The following ACVR1C variants were observed in gnomAD, a reference collection of about 807,000 sequenced individuals.
ACVR1C encodes activin receptor type-1C.
Under a neutral mutation model 57.9 loss-of-function variants are expected in ACVR1C, and 23 were observed. The observed-to-expected ratio is 0.40, with a 90% CI of 0.29 to 0.56. The LOEUF (loss-of-function observed/expected upper bound fraction) is 0.56, where lower values mean the gene tolerates loss of function less well. ACVR1C is among the 20% of genes least tolerant of loss of function. The pLI is 0.50. For missense variants in ACVR1C, 480 were observed against 607.9 expected, an observed-to-expected ratio of 0.79 and a Z score of 2.21; for synonymous variants, 214 against 215.3, an observed-to-expected ratio of 0.99 and a Z score of 0.05.
intron 1 of ACVR1C, among the ~76,000 whole-genome samples, chr2:157,619,555 C>T (rs1682720840): frequency 6.6e-6 from 1 of 151,940 alleles, no homozygotes; most frequent in Admixed American, 6.6e-5. Flanking sequence ...TATGTATTGT[C>T]CGTGGCTGCT....
At chr2:157,612,124 C>G (rs1682548712) in intron 1 of ACVR1C, among the ~76,000 whole-genome samples, 1 of 152,192 alleles carries the variant, frequency 6.6e-6, no homozygotes, top group Non-Finnish European at 1.5e-5. Flanking sequence ...AGGCTGTGCT[C>G]TTGGTGTGGG....
Position 157,572,364 on chromosome 2 carries a change from A to G in ACVR1C, c.304+14823T>C, listed in dbSNP as rs192743324. ...ACATGTACCCCAAAACTTAGAGTAT[A>G]ATAAAAAAAAAAATTAAAAAAAAAA... On this transcript the variant is annotated intron_variant, in intron 2 of 8. Transcript: ENST00000243349. 6.5e-3 allele frequency among the ~76,000 whole-genome samples: 809 copies of G among 124,116 alleles called. 12 individuals carry two copies. Among genetic ancestry groups the G allele is most frequent in the African/African-American group, 0.022 (738 of 32,858 alleles). 81.4% of individuals were successfully genotyped at this position (124,116 alleles called of 152,430 possible). A position where few individuals can be genotyped will look rare whatever the true frequency, so the allele number is the denominator to read the frequency against.
chr2:157,533,454 C>T lies in ACVR1C; in HGVS notation c.*464G>A. 6.6e-6 allele frequency: 1 copy of T among 152,668 alleles called. No homozygotes were observed. The highest frequency in any genetic ancestry group is 1.5e-5 in the Non-Finnish European group (1 of 68,020). 9.5% of individuals were successfully genotyped at this position (152,668 alleles called of 1,614,324 possible). On this transcript the variant is annotated 3_prime_UTR_variant, in exon 9 of 9. Coordinates refer to ENST00000243349, the MANE Select transcript of ACVR1C (RefSeq NM_145259.3). ...GAGCAATATTTATTTTTAAAAAGTC[C>T]TGCTAACTTAAAAAGGGGGAAACAT...
intron 1 of ACVR1C, among the ~76,000 whole-genome samples, chr2:157,617,520 G>A (rs113424868): frequency 1.4e-4 from 22 of 152,070 alleles, no homozygotes; most frequent in African/African-American, 5.3e-4. Context: ...GAGACATGAG[G>A]GAGCTCACTG....
At chr2:157,596,255 CAT>C (rs1682107894) in intron 1 of ACVR1C, among the ~76,000 whole-genome samples, 1 of 152,006 alleles carries the variant, frequency 6.6e-6, no homozygotes, top group South Asian at 2.1e-4. Flanking sequence ...AATCCTTTGT[CAT>C]ATGTGTTACA....
chr2:157,582,083 T>C (rs1688803593), intron 2 of ACVR1C, among the ~76,000 whole-genome samples: 1 of 152,156 alleles, frequency 6.6e-6, no homozygotes, highest in African/African-American at 2.4e-5. Flanking sequence ...TTTGGGAAGC[T>C]GAAGCAGGAA....
At chr2:157,613,171 T>G (rs918411485) in intron 1 of ACVR1C, among the ~76,000 whole-genome samples, 5 of 152,158 alleles carry the variant, frequency 3.3e-5, no homozygotes, top group African/African-American at 7.2e-5. Flanking sequence ...GCTCACTTCC[T>G]TTTTCTTCCG....
In ACVR1C at chr2:157,542,703, T is replaced by C. The variant is rs1314711243; in HGVS notation, c.1100+3A>G. The C allele has an allele frequency of 1.9e-5, 31 of 1,612,036 alleles. No homozygotes were observed. Among genetic ancestry groups the C allele is most frequent in the Non-Finnish European group, 2.6e-5 (31 of 1,179,184 alleles). ...ACTATGCTACCCAAGTCAGTCGTCT[T>C]ACCTCTTGGTTCCCACTTTAGGATT... On this transcript the variant is annotated splice_donor_region_variant and intron_variant, in intron 6 of 8. Coordinates refer to ENST00000243349, the MANE Select transcript of ACVR1C (RefSeq NM_145259.3).
chr2:157,534,571 A>C (rs1457127146), intron 8 of ACVR1C, among the ~76,000 whole-genome samples: 2 of 152,188 alleles, frequency 1.3e-5, no homozygotes, highest in African/African-American at 2.4e-5. Context: ...AAAATTCATC[A>C]ATCTGTATAC....
At chr2:157,545,358 C>T (rs1217445175) in intron 4 of ACVR1C, among the ~76,000 whole-genome samples, 1 of 152,170 alleles carries the variant, frequency 6.6e-6, no homozygotes, top group Non-Finnish European at 1.5e-5. Flanking sequence ...TTGCTAAGGA[C>T]CTATCTGGCC....
intron 2 of ACVR1C, among the ~76,000 whole-genome samples, chr2:157,557,306 G>T (rs909229084): frequency 6.6e-6 from 1 of 152,202 alleles, no homozygotes; most frequent in South Asian, 2.1e-4. Flanking sequence ...CTGAGTGGCC[G>T]CTGTGTGAAT....
At chr2:157,560,261 C>G (rs936257671) in intron 2 of ACVR1C, among the ~76,000 whole-genome samples, 1 of 152,180 alleles carries the variant, frequency 6.6e-6, no homozygotes, top group Non-Finnish European at 1.5e-5. Flanking sequence ...ATTTCCTTCT[C>G]TGCTCCTTCT....
rs1237642574 is a variant in ACVR1C at position 157,532,437 on chromosome 2, C to T, written c.*1481G>A. 1 of 149,204 alleles carries T rather than the reference C, an allele frequency of 6.7e-6. No individual in the cohort carries two copies. Among genetic ancestry groups the T allele is most frequent in the Non-Finnish European group, 1.5e-5 (1 of 67,566 alleles). 9.2% of individuals were successfully genotyped at this position (149,204 alleles called of 1,614,324 possible). A position where few individuals can be genotyped will look rare whatever the true frequency, so the allele number is the denominator to read the frequency against. ...TTCACTCTTCAAAATACATTATATGCTAACATGTACTATCACTTTATAAGC... is the reference window on the plus strand; with the variant it reads ...TTCACTCTTCAAAATACATTATATGTTAACATGTACTATCACTTTATAAGC... On this transcript the variant is annotated 3_prime_UTR_variant, in exon 9 of 9. Coordinates refer to ENST00000243349, the MANE Select transcript of ACVR1C (RefSeq NM_145259.3).
chr2:157,570,724 C>T (rs1159481404), intron 2 of ACVR1C, among the ~76,000 whole-genome samples: 2 of 69,450 alleles, frequency 2.9e-5, no homozygotes. Context: ...AGGACACAAA[C>T]AAATGGAAGA....
At chr2:157,584,257 C>A (rs1688862459) in intron 2 of ACVR1C, among the ~76,000 whole-genome samples, 1 of 151,738 alleles carries the variant, frequency 6.6e-6, no homozygotes. Flanking sequence ...CACCCACCAC[C>A]ATGCCCGGCT....
intron 2 of ACVR1C, among the ~76,000 whole-genome samples, chr2:157,560,866 G>A (rs540547093): frequency 2.9e-4 from 44 of 152,224 alleles, no homozygotes; most frequent in African/African-American, 1.0e-3. Context: ...TTGATCAATT[G>A]CTTCAAATAA....
intron 2 of ACVR1C, among the ~76,000 whole-genome samples, chr2:157,562,689 T>C (rs1183122912): frequency 6.6e-6 from 1 of 151,914 alleles, no homozygotes; most frequent in Non-Finnish European, 1.5e-5. Flanking sequence ...TTCAGGCCAA[T>C]ATCCCTGATG....
intron 1 of ACVR1C, among the ~76,000 whole-genome samples, chr2:157,603,635 T>C (rs1479959356): frequency 1.3e-5 from 2 of 152,134 alleles, no homozygotes; most frequent in African/African-American, 4.8e-5. Flanking sequence ...ATGAGCTTTA[T>C]CTGTGTACAG....
At chr2:157,612,252 G>T (rs1389525778) in intron 1 of ACVR1C, among the ~76,000 whole-genome samples, 1 of 152,132 alleles carries the variant, frequency 6.6e-6, no homozygotes, top group Non-Finnish European at 1.5e-5. Context: ...GAGGGACCCT[G>T]CCCTCCTTGC....
Sources: gnomAD v4.1 joint callset for allele counts (sites outside exome capture counted in the v4.1 genomes callset) on GRCh38, gnomAD v4.1.1 for gene constraint, MANE v1.5 for transcripts, NCBI Gene and HGNC (gene_info 2026-07-23, HGNC 2026-07-21) for gene names.